The following SORCS1 variants were observed in gnomAD, a reference collection of about 807,000 sequenced individuals.
The protein encoded by SORCS1 is sortilin related VPS10 domain containing receptor 1, also known as VPS10 domain-containing receptor SorCS1.
SORCS1 carries 60 observed loss-of-function variants against 146.1 expected under a neutral mutation model. That is an observed-to-expected ratio of 0.41 (90% CI 0.33 to 0.51). The LOEUF (loss-of-function observed/expected upper bound fraction) is 0.51, where lower values mean the gene tolerates loss of function less well. Among genes scored for constraint, SORCS1 ranks in the 20% least tolerant of loss-of-function variants. SORCS1 has a pLI of 0.21. For synonymous variants in SORCS1, 637 were observed against 584.0 expected (o/e 1.09, Z -1.31); for missense variants, 1,352 against 1,487.6 (o/e 0.91, Z 1.50).
At position 106,822,802 on chromosome 10, in the gene SORCS1, T is replaced by TTTTTTTTTTTTTTTTTTG. The variant is rs994708912; in HGVS notation, c.726+6771_726+6772insCAAAAAAAAAAAAAAAAA. On this transcript the variant is annotated intron_variant, in intron 3 of 25. Transcript: ENST00000263054. ...GTGTGGTTTTTTTTTTTTTTTTTTT[T>TTTTTTTTTTTTTTTTTTG]GAATATTGCTCTGTTGTGCCCAGGC... Among the ~76,000 whole-genome samples, 105 of 140,172 alleles carry TTTTTTTTTTTTTTTTTTG rather than the reference T, an allele frequency of 7.5e-4. 2 individuals are homozygous for TTTTTTTTTTTTTTTTTTG. Among genetic ancestry groups the TTTTTTTTTTTTTTTTTTG allele is most frequent in the East Asian group, 3.9e-3 (17 of 4,326 alleles). The allele number at this position is 140,172 out of a possible 152,430, so 92.0% of individuals were successfully genotyped here.
chr10:106,915,047 G>A (rs1169723365), intron 2 of SORCS1, among the ~76,000 whole-genome samples: 2 of 152,216 alleles, frequency 1.3e-5, no homozygotes, highest in Non-Finnish European at 2.9e-5. Flanking sequence ...TTTTCATTAA[G>A]CAGGAGCACA....
At chr10:106,805,259 G>C (rs1236960424) in intron 3 of SORCS1, among the ~76,000 whole-genome samples, 2 of 151,992 alleles carry the variant, frequency 1.3e-5, no homozygotes, top group Non-Finnish European at 2.9e-5. Context: ...AAGTAGCAGA[G>C]AGTCTGATAA....
At chr10:107,029,451 T>G (rs1958553354) in intron 1 of SORCS1, among the ~76,000 whole-genome samples, 2 of 152,292 alleles carry the variant, frequency 1.3e-5, no homozygotes, top group South Asian at 2.1e-4. Flanking sequence ...AATATCAGTC[T>G]TGGTATTCCT....
chr10:106,858,617 A>G (rs1949883651), intron 2 of SORCS1, among the ~76,000 whole-genome samples: 1 of 151,140 alleles, frequency 6.6e-6, no homozygotes, highest in Non-Finnish European at 1.5e-5. Flanking sequence ...CAAAAAAAAA[A>G]AAAAAAAAAG....
rs1338644176 is a variant in SORCS1, at chr10:106,575,832, T to C, written c.*1588A>G. 6.6e-6 allele frequency: 1 copy of C among 152,662 alleles called. No homozygotes were observed. The highest frequency in any genetic ancestry group is 1.5e-5 in the Non-Finnish European group (1 of 68,040). The allele number at this position is 152,662 out of a possible 1,614,324, so 9.5% of individuals were successfully genotyped here. A position where few individuals can be genotyped will look rare whatever the true frequency, so the allele number is the denominator to read the frequency against. The stretch of plus-strand genomic sequence containing the variant: ...AACACAAAGTCCATTAACCTGTTTC[T>C]CCTTCCAGTTAAAATCAGTTTTATT... On this transcript the variant is annotated 3_prime_UTR_variant, in exon 26 of 26. Coordinates refer to ENST00000263054, the MANE Select transcript of SORCS1 (RefSeq NM_052918.5).
chr10:107,164,689 T>G lies in SORCS1; in HGVS notation c.-163A>C, dbSNP rs1434673109. On this transcript the variant is annotated 5_prime_UTR_variant, in exon 1 of 26. Transcript: ENST00000263054. This position sits in a 1 kb window ranked among gnomAD's most constrained non-coding sequence, Gnocchi z 6.8. ...CGGCGCCGGGCAGGTGGCGGCCGCT[T>G]GCCCGGGCTGGGCTTGTGCCGAGCG... 1.3e-5 allele frequency among the ~76,000 whole-genome samples: 2 copies of G among 149,764 alleles called. No homozygotes were observed. The highest frequency in any genetic ancestry group is 4.0e-4 in the East Asian group (2 of 5,000).
At chr10:106,685,073 T>C (rs1852721611) in intron 10 of SORCS1, among the ~76,000 whole-genome samples, 1 of 152,204 alleles carries the variant, frequency 6.6e-6, no homozygotes, top group South Asian at 2.1e-4. Flanking sequence ...ATAATCCCTC[T>C]TTCTTCCATC....
chr10:107,055,266 A>T (rs1960499179), intron 1 of SORCS1, among the ~76,000 whole-genome samples: 1 of 152,184 alleles, frequency 6.6e-6, no homozygotes, highest in African/African-American at 2.4e-5. Context: ...CAAACTCAAC[A>T]TCAAATTACT....
Position 106,607,209 on chromosome 10 carries a change from T to C in SORCS1, c.3122A>G (p.Asp1041Gly), listed in dbSNP as rs767426806. Residue 1041 changes from aspartate to glycine, a missense_variant, in exon 23 of 26, where the codon GAT becomes GGT. Asp to Gly is a moderately conservative substitution (Grantham distance 94). Around this residue, in one of 3 missense-constraint regions of SORCS1, gnomAD observed 214 missense variants for 204.8 expected, o/e 1.05. Transcript: ENST00000263054. ...TGACCTTTTGTTTTCTCCAGCTGGATCCTGATAGGGTAGGACAAAGAGTTC... is the reference window on the plus strand; with the variant it reads ...TGACCTTTTGTTTTCTCCAGCTGGACCCTGATAGGGTAGGACAAAGAGTTC... The part of the protein sequence containing the change: ...TAELFVLPYQ[D>G]PAGENKRSTD... 3.1e-6 allele frequency: 5 copies of C among 1,613,970 alleles called. No homozygotes were observed. The Admixed American group carries it at 6.7e-5, about 22-fold the overall frequency.
At chr10:107,098,559 TA>T (rs1964690771) in intron 1 of SORCS1, among the ~76,000 whole-genome samples, 1 of 152,254 alleles carries the variant, frequency 6.6e-6, no homozygotes, top group South Asian at 2.1e-4. Context: ...ATTGAGAATT[TA>T]CTGTTTTCTG....
At chr10:106,790,918 C>T (rs113052721) in intron 3 of SORCS1, among the ~76,000 whole-genome samples, 1,658 of 152,276 alleles carry the variant, frequency 0.011, 28 homozygotes, top group African/African-American at 0.037. Context: ...TATGCATTAA[C>T]TGCAGATATT....
intron 6 of SORCS1, among the ~76,000 whole-genome samples, chr10:106,726,772 T>A (rs761882738): frequency 2.0e-5 from 3 of 152,130 alleles, no homozygotes; most frequent in Admixed American, 2.0e-4. Context: ...AGCATGGATA[T>A]CATCTAGGAG....
At chr10:106,975,384 T>G (rs1955948965) in intron 1 of SORCS1, among the ~76,000 whole-genome samples, 1 of 152,218 alleles carries the variant, frequency 6.6e-6, no homozygotes, top group African/African-American at 2.4e-5. Flanking sequence ...ATTTGCTGCT[T>G]TTTAAAAAAC....
chr10:106,894,278 T>C (rs1046612767), intron 2 of SORCS1, among the ~76,000 whole-genome samples: 2 of 127,784 alleles, frequency 1.6e-5, no homozygotes, highest in Non-Finnish European at 1.6e-5. Flanking sequence ...TGCGTGTGTG[T>C]GTGTGTGTGT....
chr10:107,029,269 G>C (rs2133919094), intron 1 of SORCS1, among the ~76,000 whole-genome samples: 1 of 152,278 alleles, frequency 6.6e-6, no homozygotes, highest in Non-Finnish European at 1.5e-5. Flanking sequence ...CTGTAACACT[G>C]GGAGGATACC....
intron 2 of SORCS1, among the ~76,000 whole-genome samples, chr10:106,852,117 G>T (rs968782127): frequency 2.6e-5 from 4 of 152,024 alleles, no homozygotes; most frequent in Non-Finnish European, 5.9e-5. Flanking sequence ...AGATGCTTCT[G>T]TCTCTGCAAC....
intron 19 of SORCS1, among the ~76,000 whole-genome samples, chr10:106,621,358 G>A (rs892763873): frequency 2.6e-5 from 4 of 151,908 alleles, no homozygotes; most frequent in East Asian, 1.9e-4. Context: ...AGCTTCCTAT[G>A]CATTTGCCAT....
chr10:106,990,062 A>C (rs1956702823), intron 1 of SORCS1, among the ~76,000 whole-genome samples: 1 of 152,144 alleles, frequency 6.6e-6, no homozygotes, highest in Non-Finnish European at 1.5e-5. Flanking sequence ...GGTGCAAAGA[A>C]GGGCCACCTT....
chr10:106,844,228 G>C (rs1342583225), intron 2 of SORCS1, among the ~76,000 whole-genome samples: 1 of 151,840 alleles, frequency 6.6e-6, no homozygotes. Flanking sequence ...TTTTTAATCA[G>C]GTTTTTTGTT....
Sources: gnomAD v4.1 joint callset for allele counts (sites outside exome capture counted in the v4.1 genomes callset) on GRCh38, gnomAD v4.1.1 for gene constraint, gnomAD v4.1.1 regional missense constraint, Gnocchi (gnomAD v3.1) non-coding constraint, MANE v1.5 for transcripts, NCBI Gene and HGNC (gene_info 2026-07-23, HGNC 2026-07-21) for gene names.